Variants in DYNC2I1 observed in about 807,000 individuals in gnomAD.
DYNC2I1 encodes the protein dynein 2 intermediate chain 1.
In DYNC2I1, 89 loss-of-function variants were observed where a neutral mutation model predicts 133.4. The ratio of observed to expected loss-of-function variants is 0.67; its 90% CI spans 0.56 to 0.80. The LOEUF (loss-of-function observed/expected upper bound fraction) is 0.80. Among genes scored for constraint, DYNC2I1 ranks in the 30% least tolerant of loss-of-function variants. DYNC2I1 has a pLI of 0.00. For missense variants in DYNC2I1, 1,291 were observed against 1,314.5 expected (o/e 0.98, Z 0.28); for synonymous variants, 504 against 484.3 (o/e 1.04, Z -0.54).
chr7:158,868,725 C>A (rs547089467), intron 1 of DYNC2I1, among the ~76,000 whole-genome samples: 1 of 152,162 alleles, frequency 6.6e-6, no homozygotes, highest in African/African-American at 2.4e-5. Flanking sequence ...CTTTCTCTGC[C>A]GATCCTTGAG....
chr7:158,926,630 T>C (rs1849654779), intron 19 of DYNC2I1, among the ~76,000 whole-genome samples, 167 bp downstream of exon 19: 1 of 152,210 alleles, frequency 6.6e-6, no homozygotes, highest in Admixed American at 6.5e-5. Flanking sequence ...AGGCCACACA[T>C]GGCAGGTTTG....
At chr7:158,905,123 T>G in intron 10 of DYNC2I1, 2 of 421,804 alleles carry the variant, frequency 4.7e-6, no homozygotes, top group South Asian at 3.5e-5. Flanking sequence ...GAGTTGTTTG[T>G]TCTTGTCTTT....
At chr7:158,869,569 C>T in intron 1 of DYNC2I1, 1 of 520,462 alleles carries the variant, frequency 1.9e-6, no homozygotes, top group Non-Finnish European at 3.8e-6. Flanking sequence ...TGTCCTTCCT[C>T]TGTTGTTCAA....
chr7:158,862,836 G>C (rs899922301), intron 1 of DYNC2I1, among the ~76,000 whole-genome samples: 1 of 152,048 alleles, frequency 6.6e-6, no homozygotes, highest in Non-Finnish European at 1.5e-5. Flanking sequence ...CTTCCTTCTG[G>C]TGGGTTTGTG....
At chr7:158,900,142 A>G (rs1846104759) in intron 8 of DYNC2I1, among the ~76,000 whole-genome samples, 3 of 147,068 alleles carry the variant, frequency 2.0e-5, no homozygotes, top group Admixed American at 2.0e-4. Context: ...TCTTTTTGAG[A>G]CAGAGTTTTG....
chr7:158,938,392 G>A (rs556620871), intron 23 of DYNC2I1, among the ~76,000 whole-genome samples: 20 of 152,220 alleles, frequency 1.3e-4, no homozygotes, highest in Non-Finnish European at 2.5e-4. Flanking sequence ...CAAATATGAG[G>A]GAGGGTTAAA....
downstream of DYNC2I1, among the ~76,000 whole-genome samples, chr7:158,949,470 A>C (rs550372557): frequency 3.9e-5 from 6 of 152,328 alleles, no homozygotes; most frequent in Admixed American, 2.6e-4. Flanking sequence ...TCCCCACTCC[A>C]GTGTGTAGAC....
At chr7:158,953,037 C>T (rs1852101604) in intron 4 of DYNC2I1, among the ~76,000 whole-genome samples, 1 of 152,202 alleles carries the variant, frequency 6.6e-6, no homozygotes, top group African/African-American at 2.4e-5. Context: ...GGCATCCGCA[C>T]CCATGGGCTA....
intron 13 of DYNC2I1, among the ~76,000 whole-genome samples, chr7:158,913,748 A>C (rs2129485048): frequency 6.6e-6 from 1 of 152,212 alleles, no homozygotes; most frequent in African/African-American, 2.4e-5. Flanking sequence ...TTGCTCTGTC[A>C]CCCAGGCTGG....
At chr7:158,929,288 C>T (rs1249351462) in intron 20 of DYNC2I1, among the ~76,000 whole-genome samples, 3 of 152,218 alleles carry the variant, frequency 2.0e-5, no homozygotes, top group Admixed American at 6.5e-5. Flanking sequence ...TCTGCATAAG[C>T]GAGGTCCAGT....
At chr7:158,915,420 C>T (rs1585143674) in intron 14 of DYNC2I1, among the ~76,000 whole-genome samples, 23 of 128,202 alleles carry the variant, frequency 1.8e-4, no homozygotes, top group South Asian at 1.0e-3. Context: ...GATTGTGAAA[C>T]GTCGACACGC....
In DYNC2I1 at chr7:158,876,014, A is replaced by T. The variant is rs1584993748; in HGVS notation, c.491-595A>T. ...AAGAAATCTCTCTGTTCCTTAGTGT[A>T]CGAGTCTGTCCTCATACTGCTGTAA... On this transcript the variant is annotated intron_variant, in intron 3 of 24. Coordinates refer to ENST00000407559, the MANE Select transcript of DYNC2I1 (RefSeq NM_018051.5). Among the ~76,000 whole-genome samples the T allele has an allele frequency of 2.0e-5, 3 of 152,206 alleles. No individual in the cohort carries two copies. In the East Asian group the frequency reaches 5.8e-4, roughly 29 times the overall value.
chr7:158,891,321 C>T lies in DYNC2I1; in HGVS notation c.1047C>T (p.Gly349=), dbSNP rs201852398. 2.1e-5 allele frequency: 34 copies of T among 1,613,850 alleles called. No homozygotes were observed. Among genetic ancestry groups the T allele is most frequent in the African/African-American group, 2.7e-5 (2 of 74,898 alleles). Residue 349 remains glycine (G), a synonymous_variant, in exon 8 of 25, where the codon GGC becomes GGT. Coordinates refer to ENST00000407559, the MANE Select transcript of DYNC2I1 (RefSeq NM_018051.5). ...GGAAGCTGGACCAGAGGCCGGGAGG[C>T]GAGGAAACCGTGGTAAGGAGAGTAC... ...VWWKLDQRPG[G]EETVEIEKEE...
downstream of DYNC2I1, among the ~76,000 whole-genome samples, chr7:158,950,629 C>T (rs28697149): frequency 1.9e-5 from 2 of 105,502 alleles, no homozygotes; most frequent in East Asian, 2.9e-4. Flanking sequence ...ATATACTGCA[C>T]GGGGACCAGC....
chr7:158,910,602 GC>G (rs1396261203), intron 11 of DYNC2I1, among the ~76,000 whole-genome samples: 23 of 150,236 alleles, frequency 1.5e-4, no homozygotes, highest in Admixed American at 6.6e-5. Flanking sequence ...GCTGTGTCAG[GC>G]CTGTGGGCCG....
At position 158,856,770 on chromosome 7, in the gene DYNC2I1, TG is replaced by T; in HGVS notation, c.15+23del. Reference sequence around the variant, plus strand: ...GGGAAGGTCGGTGCGGCGCTGGGTCTGGGCGAGGGGTGGTCGAGCTTCGCGG... The same window carrying T: ...GGGAAGGTCGGTGCGGCGCTGGGTCTGGCGAGGGGTGGTCGAGCTTCGCGG... On this transcript the variant is annotated intron_variant, in intron 1 of 24. Coordinates refer to ENST00000407559, the MANE Select transcript of DYNC2I1 (RefSeq NM_018051.5). 2 of 1,234,364 alleles carry T rather than the reference TG, an allele frequency of 1.6e-6. No individual in the cohort carries two copies. The highest frequency in any genetic ancestry group is 1.0e-6 in the Non-Finnish European group (1 of 986,740). The allele number at this position is 1,234,364 out of a possible 1,614,324, so 76.5% of individuals were successfully genotyped here.
At chr7:158,846,837 C>G in the DYNC2I1 span, among the ~76,000 whole-genome samples, 5 of 152,080 alleles carry the variant, frequency 3.3e-5, no homozygotes, top group African/African-American at 1.2e-4. Context: ...CTTTTGTTGG[C>G]TTTTTAAAAA....
the DYNC2I1 span, among the ~76,000 whole-genome samples, chr7:158,848,553 G>C: frequency 6.6e-6 from 1 of 152,204 alleles, no homozygotes; most frequent in East Asian, 1.9e-4. Context: ...GGAATCTTTA[G>C]ATGGTTTTTA....
rs1375120655 is a variant in DYNC2I1 at position 158,923,550 on chromosome 7, T to C, written c.2095-21T>C. The C allele has an allele frequency of 3.7e-6, 6 of 1,614,058 alleles. No homozygotes were observed. In the Admixed American group the frequency reaches 8.3e-5, roughly 22 times the overall value. ...TTCTCATATTCTTCTGTCATTGGCT[T>C]TCTGTGCCTTTGTCTTTTAGGTCAC... On this transcript the variant is annotated intron_variant, in intron 16 of 24. Coordinates refer to ENST00000407559, the MANE Select transcript of DYNC2I1 (RefSeq NM_018051.5).
Sources: gnomAD v4.1 joint callset for allele counts (sites outside exome capture counted in the v4.1 genomes callset) on GRCh38, gnomAD v4.1.1 for gene constraint, MANE v1.5 for transcripts, NCBI Gene and HGNC (gene_info 2026-07-23, HGNC 2026-07-21) for gene names.